MGAT4C: variants seen among roughly 807,000 people sequenced by gnomAD.
The protein encoded by MGAT4C is alpha-1,3-mannosyl-glycoprotein 4-beta-N-acetylglucosaminyltransferase C.
MGAT4C carries 19 observed loss-of-function variants against 40.1 expected under a neutral mutation model. The observed-to-expected ratio is 0.47, with a 90% CI of 0.33 to 0.70. The LOEUF (loss-of-function observed/expected upper bound fraction) is 0.70, where lower values mean the gene tolerates loss of function less well. Ranked by LOEUF, MGAT4C falls within the 30% of genes least tolerant of loss-of-function variation. The probability of loss-of-function intolerance (pLI) is 0.02; values close to 1 mark genes in which losing one functional copy is unlikely to be tolerated. For synonymous variants in MGAT4C, 181 were observed against 187.1 expected, an observed-to-expected ratio of 0.97 and a Z score of 0.27; for missense variants, 491 against 563.2, an observed-to-expected ratio of 0.87 and a Z score of 1.30.
chr12:86,718,674 A>T lies in MGAT4C; in HGVS notation c.-229+8535T>A, dbSNP rs1950689429. Among the ~76,000 whole-genome samples the T allele has an allele frequency of 2.6e-5, 4 of 152,142 alleles. No individual in the cohort carries two copies. In the South Asian group the frequency reaches 8.3e-4, roughly 32 times the overall value. Reference sequence around the variant, plus strand: ...GGAGGTGAACAGCAGGCAAGGGACCATTACCACCTAAGCTTCACCTCCTGT... The same window carrying T: ...GGAGGTGAACAGCAGGCAAGGGACCTTTACCACCTAAGCTTCACCTCCTGT... On this transcript the variant is annotated intron_variant, in intron 2 of 7. Coordinates refer to the MGAT4C transcript ENST00000548651.
chr12:86,196,159 T>C (rs892710816), intron 1 of MGAT4C, among the ~76,000 whole-genome samples: 2 of 152,180 alleles, frequency 1.3e-5, no homozygotes, highest in African/African-American at 4.8e-5. Flanking sequence ...TCTCTCTCTC[T>C]CCTTGGTTTG....
chr12:86,770,255 C>G (rs1197429355), intron 1 of MGAT4C, among the ~76,000 whole-genome samples: 1 of 151,810 alleles, frequency 6.6e-6, no homozygotes, highest in Non-Finnish European at 1.5e-5. Flanking sequence ...GGAGCAGTGA[C>G]TGTATTTATA....
chr12:86,172,253 C>G (rs952882039), intron 1 of MGAT4C, among the ~76,000 whole-genome samples: 2 of 152,068 alleles, frequency 1.3e-5, no homozygotes, highest in Non-Finnish European at 2.9e-5. Context: ...AACATAGGTT[C>G]AGCCACTTGT....
chr12:86,569,381 G>A (rs1200923025), intron 2 of MGAT4C, among the ~76,000 whole-genome samples: 11 of 152,130 alleles, frequency 7.2e-5, no homozygotes, highest in African/African-American at 1.2e-4. Flanking sequence ...AAGGATATCC[G>A]TAGAGCTTTC....
intron 1 of MGAT4C, among the ~76,000 whole-genome samples, chr12:86,145,794 A>G (rs575631038): frequency 2.6e-4 from 40 of 152,194 alleles, no homozygotes; most frequent in Non-Finnish European, 4.9e-4. Flanking sequence ...GAAAGAACAG[A>G]AAGATTTTGC....
At chr12:86,111,884 G>C (rs1022256995) in intron 1 of MGAT4C, among the ~76,000 whole-genome samples, 2 of 151,828 alleles carry the variant, frequency 1.3e-5, no homozygotes, top group Non-Finnish European at 2.9e-5. Flanking sequence ...TCAATAGTAA[G>C]ACAGCCACCT....
chr12:86,770,631 G>A (rs1951616042), intron 1 of MGAT4C, among the ~76,000 whole-genome samples: 1 of 151,974 alleles, frequency 6.6e-6, no homozygotes, highest in African/African-American at 2.4e-5. Flanking sequence ...AAATGGTAAT[G>A]AATTTCAGAT....
chr12:86,672,806 T>C (rs945409429), intron 2 of MGAT4C, among the ~76,000 whole-genome samples: 1 of 152,126 alleles, frequency 6.6e-6, no homozygotes, highest in East Asian at 1.9e-4. Flanking sequence ...AATACTATGC[T>C]TACTACCTGG....
intron 1 of MGAT4C, among the ~76,000 whole-genome samples, chr12:86,834,665 A>C (rs1953001241): frequency 6.8e-6 from 1 of 147,516 alleles, no homozygotes; most frequent in South Asian, 2.1e-4. Flanking sequence ...AACACAGCTG[A>C]AATTATAACA....
chr12:86,673,554 CAT>C (rs1403374493), intron 2 of MGAT4C, among the ~76,000 whole-genome samples: 15 of 151,954 alleles, frequency 9.9e-5, no homozygotes, highest in African/African-American at 3.6e-4. Context: ...ATATGCATAA[CAT>C]AATAATATTT....
chr12:86,061,901 C>T (rs1894013627), intron 1 of MGAT4C, among the ~76,000 whole-genome samples: 1 of 152,182 alleles, frequency 6.6e-6, no homozygotes, highest in Non-Finnish European at 1.5e-5. Context: ...AAACCCCCAC[C>T]TCCCTGGGAC....
chr12:86,232,336 A>G (rs909196453), intron 1 of MGAT4C, among the ~76,000 whole-genome samples: 3 of 152,192 alleles, frequency 2.0e-5, no homozygotes, highest in African/African-American at 7.2e-5. Flanking sequence ...TAACATTCAC[A>G]AAAGAGTTCA....
rs973109286 is a variant in MGAT4C at position 85,974,069 on chromosome 12, T to C, written c.*5220A>G. The C allele has an allele frequency of 2.7e-5, 4 of 150,914 alleles. No individual in the cohort carries two copies. Among genetic ancestry groups the C allele is most frequent in the African/African-American group, 9.7e-5 (4 of 41,316 alleles). The allele number at this position is 150,914 out of a possible 1,614,324, so 9.3% of individuals were successfully genotyped here. A position where few individuals can be genotyped will look rare whatever the true frequency, so the allele number is the denominator to read the frequency against. On this transcript the variant is annotated 3_prime_UTR_variant, in exon 5 of 5. Coordinates refer to ENST00000611864, the MANE Select transcript of MGAT4C (RefSeq NM_001351288.2). Reference sequence around the variant, plus strand: ...TTTATAGCTTAGAAAGAGAATGCTATGCAACTCATATTTTGATCTTTTAAT... The same window carrying C: ...TTTATAGCTTAGAAAGAGAATGCTACGCAACTCATATTTTGATCTTTTAAT...
Position 86,489,098 on chromosome 12 carries a change from T to G in MGAT4C, c.-228-53833A>C, listed in dbSNP as rs117559773. ...CTACCTACAGCCTGCCCTGTGCCTA[T>G]CTTGTGCCTATAAAGACCCCAGACT... On this transcript the variant is annotated intron_variant, in intron 2 of 7. Coordinates refer to the MGAT4C transcript ENST00000548651. Among the ~76,000 whole-genome samples the G allele has an allele frequency of 5.0e-3, 756 of 152,226 alleles. 1 individual carries two copies. Among genetic ancestry groups the G allele is most frequent in the Non-Finnish European group, 9.2e-3 (629 of 68,012 alleles).
chr12:86,131,142 C>G (rs1249014302), intron 1 of MGAT4C, among the ~76,000 whole-genome samples: 1 of 152,002 alleles, frequency 6.6e-6, no homozygotes, highest in Admixed American at 6.6e-5. Context: ...CGGCTTTGGA[C>G]AAGTAATTTA....
At chr12:86,063,330 A>AT (rs1352674621) in intron 1 of MGAT4C, among the ~76,000 whole-genome samples, 1 of 152,168 alleles carries the variant, frequency 6.6e-6, no homozygotes, top group African/African-American at 2.4e-5. Context: ...ATGCTGAGAG[A>AT]TTTTGTCACC....
At chr12:86,749,094 T>G (rs1375640867) in intron 1 of MGAT4C, among the ~76,000 whole-genome samples, 1 of 151,592 alleles carries the variant, frequency 6.6e-6, no homozygotes, top group Non-Finnish European at 1.5e-5. Flanking sequence ...GCAATTATCT[T>G]CTAGTCAGCA....
intron 2 of MGAT4C, among the ~76,000 whole-genome samples, chr12:86,598,487 T>C (rs151179624): frequency 2.6e-5 from 4 of 152,260 alleles, no homozygotes; most frequent in Non-Finnish European, 5.9e-5. Context: ...CTGTGAGCTG[T>C]GGTTTCTTAT....
At chr12:86,462,019 T>C (rs1957609445) in intron 2 of MGAT4C, among the ~76,000 whole-genome samples, 1 of 152,236 alleles carries the variant, frequency 6.6e-6, no homozygotes, top group South Asian at 2.1e-4. Context: ...TATTACATTT[T>C]ACAAATGTAA....
Sources: allele counts gnomAD v4.1 joint callset (sites outside exome capture counted in the v4.1 genomes callset), GRCh38; gene constraint gnomAD v4.1.1; transcripts MANE v1.5; gene names NCBI Gene and HGNC (gene_info 2026-07-23, HGNC 2026-07-21).